Variants in IPO5 observed in about 807,000 individuals in gnomAD.
IPO5 encodes importin 5, also known as importin-5.
Under a neutral mutation model 143.3 loss-of-function variants are expected in IPO5, and 18 were observed. The observed-to-expected ratio is 0.13, with a 90% CI of 0.09 to 0.19. IPO5 has a LOEUF of 0.19. Among genes scored for constraint, IPO5 ranks in the 10% least tolerant of loss-of-function variants. IPO5 has a pLI of 1.00. For missense variants in IPO5, 1,013 were observed against 1,336.9 expected (o/e 0.76, Z 3.78); for synonymous variants, 477 against 465.7 (o/e 1.02, Z -0.31).
intron 22 of IPO5, 37 bp from the exon 23 acceptor site, chr13:98,015,493 A>C: frequency 7.8e-7 from 1 of 1,274,160 alleles, no homozygotes; most frequent in Non-Finnish European, 1.1e-6. Context: ...AAACACCCCA[A>C]ATCTTATGGA....
At chr13:97,961,613 C>T (rs1216623649) in intron 2 of IPO5, among the ~76,000 whole-genome samples, 1 of 152,066 alleles carries the variant, frequency 6.6e-6, no homozygotes, top group East Asian at 1.9e-4. Context: ...TTATTAAAGC[C>T]ATTTTATTGG....
chr13:97,979,164 A>G (rs1401363497), intron 4 of IPO5, among the ~76,000 whole-genome samples: 1 of 152,192 alleles, frequency 6.6e-6, no homozygotes, highest in African/African-American at 2.4e-5. Flanking sequence ...TAAGTCTGAT[A>G]CAGCAAATAT....
intron 25 of IPO5, among the ~76,000 whole-genome samples, chr13:98,018,076 T>A (rs1291213238): frequency 1.3e-5 from 2 of 152,248 alleles, no homozygotes; most frequent in Non-Finnish European, 2.9e-5. Flanking sequence ...AGTAGTGCAG[T>A]ACATTTTTTA....
chr13:97,973,589 G>T (rs967537388), intron 3 of IPO5, among the ~76,000 whole-genome samples: 1 of 152,150 alleles, frequency 6.6e-6, no homozygotes, highest in Non-Finnish European at 1.5e-5. Flanking sequence ...ATTTTGGGTG[G>T]CGGGGTGGTC....
chr13:97,958,264 C>T (rs1374942496), intron 2 of IPO5, among the ~76,000 whole-genome samples: 1 of 152,066 alleles, frequency 6.6e-6, no homozygotes. Flanking sequence ...GCTCCATTGT[C>T]CCTCTATCCT....
intron 1 of IPO5, 137 bp downstream of exon 1, chr13:97,953,853 C>T (rs1303370525): frequency 1.1e-5 from 5 of 451,534 alleles, no homozygotes; most frequent in Middle Eastern, 3.3e-4. Context: ...CGTCTCCTGA[C>T]GTCACCACAG....
At chr13:97,987,959 T>C in intron 6 of IPO5, 1 of 277,604 alleles carries the variant, frequency 3.6e-6, no homozygotes, top group Non-Finnish European at 7.9e-6. Flanking sequence ...GATTTTTTTT[T>C]TTTAAGCTGC....
intron 12 of IPO5, 55 bp from the exon 13 acceptor site, chr13:98,000,484 C>A: frequency 9.3e-7 from 1 of 1,081,054 alleles, no homozygotes; most frequent in Non-Finnish European, 1.4e-6. Flanking sequence ...GTAGAGTATA[C>A]TATTTCTTTT....
At chr13:97,980,752 G>C (rs962170143) in intron 4 of IPO5, among the ~76,000 whole-genome samples, 3 of 151,848 alleles carry the variant, frequency 2.0e-5, no homozygotes, top group African/African-American at 7.3e-5. Flanking sequence ...TCTTGAACCT[G>C]GGCAGCAGAG....
chr13:97,998,926 T>C (rs1168075104), intron 12 of IPO5, among the ~76,000 whole-genome samples: 3 of 152,146 alleles, frequency 2.0e-5, no homozygotes, highest in Non-Finnish European at 4.4e-5. Context: ...GCAGATCACC[T>C]GAGGTCAGGA....
In IPO5 at chr13:97,962,683, G is replaced by T. The variant is rs561739656; in HGVS notation, c.-112-7040G>T. On this transcript the variant is annotated intron_variant, in intron 2 of 28. Transcript: ENST00000651721. Reference sequence around the variant, plus strand: ...AAATACAAAAAATTAGCTGGGTATGGTGAGGCACATCCGTAGTCCCAGCTG... The same window carrying T: ...AAATACAAAAAATTAGCTGGGTATGTTGAGGCACATCCGTAGTCCCAGCTG... 1.8e-4 allele frequency among the ~76,000 whole-genome samples: 28 copies of T among 152,148 alleles called. No individual in the cohort carries two copies. In the South Asian group the frequency reaches 5.8e-3, roughly 32 times the overall value.
At chr13:97,985,148 G>A (rs900377404) in intron 5 of IPO5, among the ~76,000 whole-genome samples, 4 of 152,136 alleles carry the variant, frequency 2.6e-5, no homozygotes, top group East Asian at 1.9e-4. Context: ...CAAATAATGT[G>A]TTAAAAACAG....
intron 11 of IPO5, among the ~76,000 whole-genome samples, chr13:97,993,985 C>T (rs1031508438): frequency 1.3e-5 from 2 of 152,154 alleles, no homozygotes; most frequent in African/African-American, 2.4e-5. Context: ...CCAGCTGATG[C>T]ATTAAGAGAT....
chr13:97,958,649 C>G (rs1884636183), intron 2 of IPO5, among the ~76,000 whole-genome samples: 1 of 150,900 alleles, frequency 6.6e-6, no homozygotes, highest in Non-Finnish European at 1.5e-5. Context: ...CTGTCCAGCT[C>G]ATTTCCAAAA....
intron 27 of IPO5, among the ~76,000 whole-genome samples, chr13:98,020,524 TC>T (rs1890410893): frequency 6.6e-6 from 1 of 152,204 alleles, no homozygotes; most frequent in African/African-American, 2.4e-5. Context: ...TTGATCATCT[TC>T]CTTGGAAACG....
At chr13:97,995,162 TC>T in intron 11 of IPO5, among the ~76,000 whole-genome samples, 1 of 150,298 alleles carries the variant, frequency 6.7e-6, no homozygotes. Flanking sequence ...TATCTTTCTT[TC>T]ATTCTTTCTT....
chr13:97,998,834 C>T (rs1888517272), intron 12 of IPO5, among the ~76,000 whole-genome samples: 1 of 152,034 alleles, frequency 6.6e-6, no homozygotes, highest in South Asian at 2.1e-4. Flanking sequence ...ATTATACTAC[C>T]ACCTTTTCTT....
intron 18 of IPO5, 78 bp downstream of exon 18, chr13:98,008,220 A>G: frequency 1.2e-6 from 1 of 812,098 alleles, no homozygotes. Context: ...TTAAAACAAA[A>G]GGAGTGATAG....
intron 4 of IPO5, among the ~76,000 whole-genome samples, chr13:97,979,386 C>T (rs1451711864): frequency 2.0e-5 from 3 of 152,064 alleles, no homozygotes; most frequent in Non-Finnish European, 2.9e-5. Context: ...TCGTATATGC[C>T]ATTTAGTAGG....
Sources: allele counts gnomAD v4.1 joint callset (sites outside exome capture counted in the v4.1 genomes callset), GRCh38; gene constraint gnomAD v4.1.1; transcripts MANE v1.5; gene names NCBI Gene and HGNC (gene_info 2026-07-23, HGNC 2026-07-21).